The following TOGARAM1 variants were observed in gnomAD, a reference collection of about 807,000 sequenced individuals.
TOGARAM1 encodes the protein TOG array regulator of axonemal microtubules protein 1.
TOGARAM1 carries 100 observed loss-of-function variants against 166.6 expected under a neutral mutation model. That is an observed-to-expected ratio of 0.60 (90% CI 0.51 to 0.71). The LOEUF (loss-of-function observed/expected upper bound fraction) is 0.71. TOGARAM1 is among the 30% of genes least tolerant of loss of function. The probability of loss-of-function intolerance (pLI) is 0.00; values close to 1 mark genes in which losing one functional copy is unlikely to be tolerated. For synonymous variants in TOGARAM1, 758 were observed against 763.8 expected (o/e 0.99, Z 0.13); for missense variants, 2,029 against 2,102.7 (o/e 0.96, Z 0.69).
chr14:45,004,866 G>A (rs1388568778), intron 4 of TOGARAM1, among the ~76,000 whole-genome samples: 1 of 152,048 alleles, frequency 6.6e-6, no homozygotes, highest in African/African-American at 2.4e-5. Context: ...TGCAATTAAT[G>A]CCTAATATTC....
chr14:45,012,193 AT>A (rs140999364), intron 7 of TOGARAM1, 118 bp downstream of exon 7: 4 of 587,636 alleles, frequency 6.8e-6, no homozygotes, highest in Non-Finnish European at 8.6e-6. Context: ...AAGACTAATC[AT>A]TTTTTTACTC....
intron 11 of TOGARAM1, among the ~76,000 whole-genome samples, chr14:45,036,695 T>G (rs1016508983): frequency 1.3e-5 from 2 of 152,240 alleles, no homozygotes; most frequent in Non-Finnish European, 2.9e-5. Context: ...AAAATACCAC[T>G]AGGCTGAAAT....
chr14:44,974,971 C>A (rs1037610182), intron 1 of TOGARAM1, among the ~76,000 whole-genome samples: 5 of 152,060 alleles, frequency 3.3e-5, no homozygotes, highest in Admixed American at 6.5e-5. Context: ...GGGAAGTGTT[C>A]TGTAGTGCTT....
intron 7 of TOGARAM1, among the ~76,000 whole-genome samples, chr14:45,022,609 G>A (rs375756736): frequency 6.6e-6 from 1 of 151,640 alleles, no homozygotes; most frequent in Non-Finnish European, 1.5e-5. Context: ...TTCCTTCTTC[G>A]GTGGCTAGCC....
chr14:45,041,729 T>C (rs753217317), intron 11 of TOGARAM1, among the ~76,000 whole-genome samples: 62 of 152,182 alleles, frequency 4.1e-4, no homozygotes, highest in Admixed American at 1.3e-3. Flanking sequence ...CCTTACACAT[T>C]TGGTTGTTCA....
intron 7 of TOGARAM1, among the ~76,000 whole-genome samples, chr14:45,017,384 T>C (rs1880210440): frequency 6.7e-6 from 1 of 149,656 alleles, no homozygotes; most frequent in East Asian, 2.0e-4. Context: ...CCCCAGGAAA[T>C]GCACCAGATA....
At chr14:44,975,999 A>T (rs1020328877) in intron 1 of TOGARAM1, among the ~76,000 whole-genome samples, 13 of 152,024 alleles carry the variant, frequency 8.6e-5, no homozygotes, top group Admixed American at 2.0e-4. Context: ...AGATTTTTTT[A>T]AAATTATGAG....
chr14:45,050,217 A>G (rs1882293394), intron 14 of TOGARAM1, among the ~76,000 whole-genome samples: 1 of 152,184 alleles, frequency 6.6e-6, no homozygotes, highest in Admixed American at 6.5e-5. Context: ...CTCTTCCTGC[A>G]ATTTCATTAC....
At chr14:45,019,464 G>C (rs577372128) in intron 7 of TOGARAM1, among the ~76,000 whole-genome samples, 10 of 152,176 alleles carry the variant, frequency 6.6e-5, no homozygotes, top group African/African-American at 2.4e-4. Flanking sequence ...AACCTTGAGT[G>C]GTTCTCTGTT....
At chr14:45,048,264 A>C (rs1030033932) in intron 14 of TOGARAM1, among the ~76,000 whole-genome samples, 3 of 146,290 alleles carry the variant, frequency 2.1e-5, no homozygotes, top group African/African-American at 7.7e-5. Flanking sequence ...AGGCAGGAGA[A>C]TCTCTTCAGC....
At chr14:44,981,319 G>A (rs115957268) in intron 1 of TOGARAM1, among the ~76,000 whole-genome samples, 1,613 of 152,052 alleles carry the variant, frequency 0.011, 22 homozygotes, top group African/African-American at 0.037. Flanking sequence ...AGAGAGAGAG[G>A]GTAAGATCAA....
chr14:44,962,878 C>T lies in TOGARAM1; in HGVS notation c.457C>T (p.Arg153Trp), dbSNP rs1215667480. Residue 153 changes from arginine (R) to tryptophan (W), a missense_variant, in exon 1 of 20, where the codon CGG (arginine) becomes TGG (tryptophan). By Grantham distance (101) the Arg-to-Trp change is moderately radical (BLOSUM62 -3). Coordinates refer to ENST00000361462, the MANE Select transcript of TOGARAM1 (RefSeq NM_001308120.2). ...VLVEGGSDEK[R>W]LCLQLLSDVL... is the part of the protein sequence containing the mutation. ...TGTGGAAGGAGGTAGTGATGAGAAG[C>T]GGCTCTGCTTGCAACTTCTCTCGGA... The T allele has an allele frequency of 5.0e-6, 8 of 1,613,798 alleles. No individual in the cohort carries two copies. Among genetic ancestry groups the T allele is most frequent in the Middle Eastern group, 3.3e-4 (2 of 6,084 alleles).
intron 1 of TOGARAM1, among the ~76,000 whole-genome samples, chr14:44,966,107 C>G (rs963760386): frequency 1.3e-5 from 2 of 151,176 alleles, no homozygotes; most frequent in African/African-American, 4.8e-5. Flanking sequence ...ACTCCTGACC[C>G]ACCCGCCTCG....
intron 16 of TOGARAM1, among the ~76,000 whole-genome samples, chr14:45,064,910 T>C (rs1209193721): frequency 6.6e-6 from 1 of 152,126 alleles, no homozygotes; most frequent in Non-Finnish European, 1.5e-5. Context: ...TTGTGTGCAT[T>C]TTGGTATTTC....
chr14:44,987,727 C>T (rs1886911089), intron 1 of TOGARAM1, among the ~76,000 whole-genome samples: 1 of 149,808 alleles, frequency 6.7e-6, no homozygotes, highest in Non-Finnish European at 1.5e-5. Context: ...ACTGGAAATA[C>T]CATTTGACCC....
In TOGARAM1 at chr14:45,068,570, C is replaced by T. The variant is rs1430742381; in HGVS notation, c.4896C>T (p.Asn1632=). ...TGCTAATTCCAGCAATAGTGGATAA[C>T]AATCTGAATTCCAAGAATCCAGGCA... ...INMLIPAIVD[N]NLNSKNPGIY... The change falls in exon 18 of 20, where the codon AAC becomes AAT. Residue 1632 remains asparagine, a synonymous_variant. Coordinates refer to ENST00000361462, the MANE Select transcript of TOGARAM1 (RefSeq NM_001308120.2). 6 of 1,613,354 alleles carry T rather than the reference C, an allele frequency of 3.7e-6. No individual in the cohort carries two copies. The highest frequency in any genetic ancestry group is 5.1e-6 in the Non-Finnish European group (6 of 1,179,676).
rs767105312 is a variant in TOGARAM1, at chr14:45,009,025, C to T, written c.3017C>T (p.Thr1006Met). The T allele has an allele frequency of 1.0e-4, 167 of 1,613,978 alleles. No individual in the cohort carries two copies. Among genetic ancestry groups the T allele is most frequent in the Admixed American group, 2.0e-4 (12 of 59,988 alleles). ...GATTCTGCAATGAAGCTCGACTTGACGATGGACTCCCCGTCTCTGTCTTCC... is the reference window on the plus strand; with the variant it reads ...GATTCTGCAATGAAGCTCGACTTGATGATGGACTCCCCGTCTCTGTCTTCC... Reference protein sequence around the residue: ...SPDSAMKLDLTMDSPSLSSSP... With the variant: ...SPDSAMKLDLMMDSPSLSSSP... The change falls in exon 6 of 20, where the codon ACG (threonine) becomes ATG (methionine). Residue 1006 changes from threonine to methionine, a missense_variant. This residue lies in a region of TOGARAM1 where 1,453 missense variants were observed against 1,432.2 expected (regional missense o/e 1.01). Coordinates refer to ENST00000361462, the MANE Select transcript of TOGARAM1 (RefSeq NM_001308120.2).
rs772139805 is a variant in TOGARAM1, at chr14:44,962,234, G to A, written c.-188G>A. On this transcript the variant is annotated 5_prime_UTR_variant, in exon 1 of 20. Coordinates refer to ENST00000361462, the MANE Select transcript of TOGARAM1 (RefSeq NM_001308120.2). ...GCCCGGTGGCAGCTGTGGGGTCTAG[G>A]GCTCAGACGGGGGCCATTTTGCCAG... is the stretch of plus-strand genomic sequence containing the variant. 45 of 605,800 alleles carry A rather than the reference G, an allele frequency of 7.4e-5. No individual in the cohort carries two copies. The highest frequency in any genetic ancestry group is 7.6e-5 in the Non-Finnish European group (28 of 367,992). The allele number at this position is 605,800 out of a possible 1,614,324, so 37.5% of individuals were successfully genotyped here.
chr14:44,970,326 C>T (rs1255378179), intron 1 of TOGARAM1, among the ~76,000 whole-genome samples: 2 of 152,054 alleles, frequency 1.3e-5, no homozygotes, highest in East Asian at 3.8e-4. Context: ...TTTTAAATTT[C>T]AAATTCCACT....
Sources: gnomAD v4.1 joint callset for allele counts (sites outside exome capture counted in the v4.1 genomes callset) on GRCh38, gnomAD v4.1.1 for gene constraint, gnomAD v4.1.1 regional missense constraint, MANE v1.5 for transcripts, NCBI Gene and HGNC (gene_info 2026-07-23, HGNC 2026-07-21) for gene names.